NFIB: variants seen among roughly 807,000 people sequenced by gnomAD.
The protein encoded by NFIB is nuclear factor 1 B-type.
Under a neutral mutation model 61.5 loss-of-function variants are expected in NFIB, and 11 were observed. That is an observed-to-expected ratio of 0.18 (90% confidence interval 0.11 to 0.30). The LOEUF is 0.30. Among genes scored for constraint, NFIB ranks in the 10% least tolerant of loss-of-function variants. The pLI is 1.00. For synonymous variants in NFIB, 260 were observed against 216.5 expected, an observed-to-expected ratio of 1.20 and a Z score of -1.76; for missense variants, 471 against 608.9, an observed-to-expected ratio of 0.77 and a Z score of 2.38.
At chr9:14,101,539 G>T (rs2035785357) in intron 10 of NFIB, among the ~76,000 whole-genome samples, 1 of 152,290 alleles carries the variant, frequency 6.6e-6, no homozygotes, top group South Asian at 2.1e-4. Context: ...TCAGAGCAGG[G>T]TTGGAAAATT....
the NFIB span, among the ~76,000 whole-genome samples, chr9:14,411,402 AG>A: frequency 1.3e-5 from 2 of 152,156 alleles, no homozygotes; most frequent in African/African-American, 4.8e-5. Context: ...CTCCTCATGC[AG>A]GGGGGTGTGG....
the NFIB span, among the ~76,000 whole-genome samples, chr9:14,404,804 G>A: frequency 6.6e-6 from 1 of 152,126 alleles, no homozygotes; most frequent in Non-Finnish European, 1.5e-5. Flanking sequence ...TGTCTTCTAA[G>A]GGGCAGCAAC....
chr9:14,323,490 A>C (rs2060709045), intron 1 of NFIB, among the ~76,000 whole-genome samples: 1 of 152,228 alleles, frequency 6.6e-6, no homozygotes, highest in African/African-American at 2.4e-5. Context: ...GTAAAAATAT[A>C]ACACTAGCCC....
chr9:14,447,985 C>T, the NFIB span, among the ~76,000 whole-genome samples: 1 of 152,146 alleles, frequency 6.6e-6, no homozygotes, highest in East Asian at 1.9e-4. Context: ...TCTATTGATA[C>T]TTTAGCCTAT....
the NFIB span, among the ~76,000 whole-genome samples, chr9:14,411,989 T>C: frequency 2.0e-5 from 3 of 152,128 alleles, no homozygotes; most frequent in Non-Finnish European, 4.4e-5. Flanking sequence ...GTGAGCTTTT[T>C]TGGAAGCAGA....
intron 1 of NFIB, among the ~76,000 whole-genome samples, chr9:14,325,968 T>A (rs985784422): frequency 6.6e-6 from 1 of 151,574 alleles, no homozygotes; most frequent in Non-Finnish European, 1.5e-5. Context: ...AAGATTCATA[T>A]TTTTTATTGC....
At chr9:14,490,746 C>A in the NFIB span, among the ~76,000 whole-genome samples, 2 of 152,114 alleles carry the variant, frequency 1.3e-5, no homozygotes, top group African/African-American at 2.4e-5. Context: ...GATATCAATG[C>A]GATACCATCT....
At chr9:14,432,829 T>A in the NFIB span, among the ~76,000 whole-genome samples, 1 of 152,178 alleles carries the variant, frequency 6.6e-6, no homozygotes, top group Non-Finnish European at 1.5e-5. Context: ...GCCAATATTT[T>A]TGGGTCCATA....
At chr9:14,372,659 G>A (rs2061371111) in intron 1 of NFIB, among the ~76,000 whole-genome samples, 1 of 152,156 alleles carries the variant, frequency 6.6e-6, no homozygotes, top group African/African-American at 2.4e-5. Flanking sequence ...GTTTTACTGT[G>A]TGCTGGCTTA....
At chr9:14,466,937 T>C in the NFIB span, among the ~76,000 whole-genome samples, 2 of 152,058 alleles carry the variant, frequency 1.3e-5, no homozygotes, top group African/African-American at 4.8e-5. Flanking sequence ...GGTTAGGAAA[T>C]TAAGATCTAG....
the NFIB span, among the ~76,000 whole-genome samples, chr9:14,476,636 T>C: frequency 1.3e-5 from 2 of 152,204 alleles, no homozygotes; most frequent in African/African-American, 4.8e-5. Flanking sequence ...ACTTCTTTCT[T>C]AATATTAACA....
At chr9:14,385,174 G>C (rs984592897) in intron 1 of NFIB, among the ~76,000 whole-genome samples, 2 of 152,130 alleles carry the variant, frequency 1.3e-5, no homozygotes, top group African/African-American at 2.4e-5. Flanking sequence ...CAAAACTCCT[G>C]TGGGGGTTTG....
the NFIB span, among the ~76,000 whole-genome samples, chr9:14,527,203 AG>A: frequency 3.0e-4 from 46 of 152,308 alleles, no homozygotes; most frequent in African/African-American, 1.0e-3. Context: ...GAAAGAAAAA[AG>A]TATAATTTCT....
chr9:14,501,085 C>A, the NFIB span, among the ~76,000 whole-genome samples: 1 of 152,176 alleles, frequency 6.6e-6, no homozygotes, highest in Non-Finnish European at 1.5e-5. Context: ...ATCTCAAACC[C>A]ACTTTTGACT....
At chr9:14,470,124 T>C in the NFIB span, among the ~76,000 whole-genome samples, 45 of 152,316 alleles carry the variant, frequency 3.0e-4, no homozygotes, top group African/African-American at 9.9e-4. Context: ...ATCACATTGA[T>C]ATTCACCCTA....
the NFIB span, among the ~76,000 whole-genome samples, chr9:14,519,442 G>A: frequency 1.4e-4 from 22 of 152,170 alleles, no homozygotes; most frequent in African/African-American, 4.6e-4. Flanking sequence ...AGTCTTTGTG[G>A]AAATTGGTTG....
At chr9:14,393,236 A>T (rs1029052903) in intron 1 of NFIB, among the ~76,000 whole-genome samples, 2 of 152,074 alleles carry the variant, frequency 1.3e-5, no homozygotes, top group African/African-American at 2.4e-5. Flanking sequence ...TGTGCTGCAC[A>T]TCCTCCCAGT....
intron 1 of NFIB, among the ~76,000 whole-genome samples, chr9:14,389,306 T>A (rs1381970937): frequency 6.6e-6 from 1 of 152,092 alleles, no homozygotes. Flanking sequence ...TTGTTGTTCA[T>A]CCCTCCCCCT....
chr9:14,128,088 T>A (rs1232461291), intron 6 of NFIB, among the ~76,000 whole-genome samples: 1 of 152,112 alleles, frequency 6.6e-6, no homozygotes, highest in Non-Finnish European at 1.5e-5. Flanking sequence ...TAATGTCGCA[T>A]AAGAGCTATG....
Sources: gnomAD v4.1 joint callset for allele counts (sites outside exome capture counted in the v4.1 genomes callset) on GRCh38, gnomAD v4.1.1 for gene constraint, MANE v1.5 for transcripts, NCBI Gene and HGNC (gene_info 2026-07-23, HGNC 2026-07-21) for gene names.